Variants in CACNB2 observed in about 807,000 individuals in gnomAD.
CACNB2 encodes the protein calcium voltage-gated channel auxiliary subunit beta 2, also known as voltage-dependent L-type calcium channel subunit beta-2.
CACNB2 carries 42 observed loss-of-function variants against 73.3 expected under a neutral mutation model. That is an observed-to-expected ratio of 0.57 (90% CI 0.45 to 0.74). The LOEUF is 0.74. Ranked by LOEUF, CACNB2 falls within the 30% of genes least tolerant of loss-of-function variation. The pLI is 0.00. For synonymous variants in CACNB2, 348 were observed against 310.3 expected (o/e 1.12, Z -1.28); for missense variants, 940 against 853.0 (o/e 1.10, Z -1.27).
At chr10:18,411,647 T>A (rs941483076) in intron 3 of CACNB2, among the ~76,000 whole-genome samples, 1 of 152,056 alleles carries the variant, frequency 6.6e-6, no homozygotes, top group Admixed American at 6.5e-5. Flanking sequence ...TAGCTGGGAT[T>A]GCAGGCACCT....
chr10:18,476,341 G>T (rs1017553295), intron 3 of CACNB2, among the ~76,000 whole-genome samples: 2 of 152,170 alleles, frequency 1.3e-5, no homozygotes, highest in African/African-American at 4.8e-5. Context: ...AGGAAAGAAT[G>T]AAGCAACAAA....
chr10:18,357,350 G>T (rs2041963933), intron 2 of CACNB2, among the ~76,000 whole-genome samples: 1 of 152,140 alleles, frequency 6.6e-6, no homozygotes, highest in African/African-American at 2.4e-5. Flanking sequence ...AACCATTTGG[G>T]TCAAAATACT....
Position 18,539,661 on chromosome 10 carries a change from AGT to A in CACNB2, c.1922_1923del (p.Val641AspfsTer7). On this transcript the variant is annotated frameshift_variant, in exon 14 of 14. Transcript: ENST00000324631. LOFTEE classifies it high-confidence loss of function. The part of the protein sequence containing the change: ...KDRYCEKDGE[V>X]ISKKRNEAGE... ...ATCGCTACTGTGAAAAGGATGGAGA[AGT>A]GATATCAAAAAAACGGAATGAGGCT... 6.2e-7 allele frequency: 1 copy of A among 1,613,432 alleles called. No homozygotes were observed. The highest frequency in any genetic ancestry group is 8.5e-7 in the Non-Finnish European group (1 of 1,179,866).
At chr10:18,203,878 G>A (rs72782016) in intron 2 of CACNB2, among the ~76,000 whole-genome samples, 5,114 of 152,186 alleles carry the variant, frequency 0.034, 148 homozygotes, top group Non-Finnish European at 0.044. Flanking sequence ...CACAATCCAT[G>A]TTTCTCTGCT....
chr10:18,478,461 C>A (rs2048552192), intron 3 of CACNB2, among the ~76,000 whole-genome samples: 1 of 152,160 alleles, frequency 6.6e-6, no homozygotes, highest in Non-Finnish European at 1.5e-5. Flanking sequence ...GGTGGTGTCA[C>A]CACTTGATGT....
intron 2 of CACNB2, among the ~76,000 whole-genome samples, chr10:18,293,403 C>G (rs968050052): frequency 9.9e-5 from 15 of 152,160 alleles, no homozygotes; most frequent in African/African-American, 3.6e-4. Flanking sequence ...TTTCTGCCAG[C>G]ACATAAACAT....
At chr10:18,251,797 C>G (rs1260598581) in intron 2 of CACNB2, among the ~76,000 whole-genome samples, 1 of 152,090 alleles carries the variant, frequency 6.6e-6, no homozygotes, top group African/African-American at 2.4e-5. Flanking sequence ...GAGGGAAGTG[C>G]TACATGCTTT....
chr10:18,430,142 A>C (rs994627230), intron 3 of CACNB2, among the ~76,000 whole-genome samples: 2 of 151,996 alleles, frequency 1.3e-5, no homozygotes, highest in Non-Finnish European at 2.9e-5. Flanking sequence ...AAAAAAAAAA[A>C]AAGGGACATA....
At chr10:18,335,818 C>CACAT (rs1353216214) in intron 2 of CACNB2, among the ~76,000 whole-genome samples, 2 of 151,236 alleles carry the variant, frequency 1.3e-5, no homozygotes, top group Admixed American at 1.3e-4. Context: ...CACACACACA[C>CACAT]ACACACATAC....
intron 2 of CACNB2, among the ~76,000 whole-genome samples, chr10:18,253,572 C>T (rs2037170754): frequency 6.6e-6 from 1 of 152,082 alleles, no homozygotes; most frequent in Non-Finnish European, 1.5e-5. Context: ...CACCAAAAAG[C>T]TACCATTTTC....
chr10:18,171,497 C>G (rs2033224351), intron 2 of CACNB2, among the ~76,000 whole-genome samples: 1 of 128,428 alleles, frequency 7.8e-6, no homozygotes, highest in African/African-American at 3.1e-5. Flanking sequence ...GCTCCAGGCT[C>G]CCTTCTTCCC....
chr10:18,426,804 T>C (rs2045621877), intron 3 of CACNB2, among the ~76,000 whole-genome samples: 1 of 152,234 alleles, frequency 6.6e-6, no homozygotes, highest in South Asian at 2.1e-4. Flanking sequence ...ATTCTTGTCT[T>C]AGTGGTACTC....
intron 2 of CACNB2, among the ~76,000 whole-genome samples, chr10:18,155,888 G>A (rs556571372): frequency 3.7e-4 from 22 of 59,326 alleles, no homozygotes; most frequent in East Asian, 1.3e-3. Flanking sequence ...GAGAGAGAGA[G>A]AGAACATATT....
At chr10:18,194,225 T>G (rs1469900036) in intron 2 of CACNB2, among the ~76,000 whole-genome samples, 1 of 152,160 alleles carries the variant, frequency 6.6e-6, no homozygotes, top group African/African-American at 2.4e-5. Flanking sequence ...TCTCCTTCAC[T>G]TTGCTCAATA....
rs182426343 is a variant in CACNB2, at chr10:18,538,242, C to T, written c.1365C>T (p.Asp455=). The T allele has an allele frequency of 6.2e-7, 1 of 1,614,134 alleles. No individual in the cohort carries two copies. The highest frequency in any genetic ancestry group is 1.3e-5 in the African/African-American group (1 of 75,022). The change falls in exon 13 of 14, where the codon GAC becomes GAT. Residue 455 remains aspartate (D), a synonymous_variant. Coordinates refer to ENST00000324631, the MANE Select transcript of CACNB2 (RefSeq NM_201596.3). ...QLEDACEHLA[D]YLEAYWKATH... is the part of the protein sequence containing the mutation. Reference sequence around the variant, plus strand: ...AGGATGCCTGTGAGCACCTTGCCGACTATCTGGAGGCCTACTGGAAGGCCA... The same window carrying T: ...AGGATGCCTGTGAGCACCTTGCCGATTATCTGGAGGCCTACTGGAAGGCCA...
At chr10:18,216,879 C>T (rs1034104821) in intron 2 of CACNB2, among the ~76,000 whole-genome samples, 12 of 152,142 alleles carry the variant, frequency 7.9e-5, no homozygotes, top group Non-Finnish European at 1.2e-4. Context: ...CCAATGACAA[C>T]CTACATGTGA....
In CACNB2 at chr10:18,149,019, AAAT is replaced by A. The variant is rs200209641; in HGVS notation, c.121-1863_121-1861del. On this transcript the variant is annotated intron_variant, in intron 1 of 13. Coordinates refer to ENST00000324631, the MANE Select transcript of CACNB2 (RefSeq NM_201596.3). ...GACACTGTCTCAAAAAAAAAAAAAA[AAAT>A]GGGATGAGATTATATTTTGTCTTTG... is the stretch of plus-strand genomic sequence containing the variant. Among the ~76,000 whole-genome samples, 1,048 of 151,918 alleles carry A rather than the reference AAAT, an allele frequency of 6.9e-3. 18 individuals carry two copies. The highest frequency in any genetic ancestry group is 0.023 in the African/African-American group (959 of 41,348).
intron 2 of CACNB2, among the ~76,000 whole-genome samples, chr10:18,215,539 T>C (rs2035477859): frequency 6.6e-6 from 1 of 152,162 alleles, no homozygotes; most frequent in Admixed American, 6.5e-5. Context: ...TTTGACAAAA[T>C]GGTCATTTTG....
intron 2 of CACNB2, among the ~76,000 whole-genome samples, chr10:18,366,204 G>A (rs2042339506): frequency 6.6e-6 from 1 of 152,152 alleles, no homozygotes; most frequent in Non-Finnish European, 1.5e-5. Flanking sequence ...GGTGGCTCAC[G>A]CCTGTAATCC....
Sources: allele counts gnomAD v4.1 joint callset (sites outside exome capture counted in the v4.1 genomes callset), GRCh38; gene constraint gnomAD v4.1.1; transcripts MANE v1.5; gene names NCBI Gene and HGNC (gene_info 2026-07-23, HGNC 2026-07-21).